The following BDP1 variants were observed in gnomAD, a reference collection of about 807,000 sequenced individuals.
BDP1 encodes the protein transcription factor TFIIIB component B'' homolog.
BDP1 carries 169 observed loss-of-function variants against 266.6 expected under a neutral mutation model. The observed-to-expected ratio is 0.63, with a 90% confidence interval of 0.56 to 0.72. The LOEUF is 0.72. Ranked by LOEUF, BDP1 falls within the 30% of genes least tolerant of loss-of-function variation. BDP1 has a pLI of 0.00. For missense variants in BDP1, 3,015 were observed against 3,053.8 expected (o/e 0.99, Z 0.30); for synonymous variants, 1,090 against 1,022.4 (o/e 1.07, Z -1.26).
chr5:71,460,224 A>G (rs1353597339), intron 2 of BDP1, among the ~76,000 whole-genome samples: 2 of 152,190 alleles, frequency 1.3e-5, no homozygotes, highest in South Asian at 2.1e-4. Context: ...TACTAAAAAT[A>G]CAAACATTAT....
At position 71,491,062 on chromosome 5, in the gene BDP1, T is replaced by C; in HGVS notation, c.1571T>C (p.Ile524Thr). ...KEQMLSCTQN[I>T]DGIVGFASTE... ...CAGATGCTTTCCTGCACACAAAACA[T>C]AGATGGCATTGTGGGTTTTGCCTCC... The change falls in exon 11 of 39, where the codon ATA becomes ACA. Residue 524 changes from isoleucine to threonine, a missense_variant. Physicochemically the swap from Ile to Thr is moderately conservative, Grantham distance 89. Transcript: ENST00000358731. 3.7e-6 allele frequency: 6 copies of C among 1,614,112 alleles called. No homozygotes were observed. The highest frequency in any genetic ancestry group is 5.1e-6 in the Non-Finnish European group (6 of 1,179,978).
Position 71,523,997 on chromosome 5 carries a change from A to G in BDP1, c.5446A>G (p.Thr1816Ala). 1 of 1,614,224 alleles carries G rather than the reference A, an allele frequency of 6.2e-7. No individual in the cohort carries two copies. The highest frequency in any genetic ancestry group is 1.1e-5 in the South Asian group (1 of 91,084). The change falls in exon 25 of 39, where the codon ACT becomes GCT. Residue 1816 changes from threonine (T) to alanine (A), a missense_variant. Transcript: ENST00000358731. ...TAAAATTGCCCTGGATGGGAAAACA[A>G]CTATCTCTTCTACATCTGAGTATGA... ...YSKIALDGKT[T>A]ISSTSEYERN...
chr5:71,556,134 G>A (rs1047520937), intron 35 of BDP1, among the ~76,000 whole-genome samples: 30 of 151,952 alleles, frequency 2.0e-4, no homozygotes, highest in African/African-American at 5.8e-4. Context: ...TTATCATTAA[G>A]TTCTTTTCTA....
rs1561660767 is a variant in BDP1, at chr5:71,458,717, C to T, written c.351C>T (p.Pro117=). ...TCAGTGTTCCTTCAGAATCTCATCC[C>T]TTATCTACAATTAATCAAGAGGCTC... The part of the protein sequence containing the change: ...SSVSVPSESH[P]LSTINQEAPQ... Residue 117 remains proline, a synonymous_variant, in exon 2 of 39, where the codon CCC becomes CCT. Transcript: ENST00000358731. The T allele has an allele frequency of 6.2e-7, 1 of 1,614,128 alleles. No individual in the cohort carries two copies. Among genetic ancestry groups the T allele is most frequent in the Non-Finnish European group, 8.5e-7 (1 of 1,180,016 alleles).
At position 71,512,504 on chromosome 5, in the gene BDP1, TATAAC is replaced by T. The variant is rs1764983906; in HGVS notation, c.4247+80_4247+84del. 1.0e-5 allele frequency: 10 copies of T among 994,492 alleles called. No homozygotes were observed. The East Asian group carries it at 1.3e-4, about 13-fold the overall frequency. 61.6% of individuals were successfully genotyped at this position (994,492 alleles called of 1,614,324 possible). On this transcript the variant is annotated intron_variant, in intron 18 of 38. Transcript: ENST00000358731. Reference sequence around the variant, plus strand: ...CGTTAAACTAAGTGAGGTTTCAAGATATAACATATACAGGATAGTGTTAGAGCTTT... The same window carrying T: ...CGTTAAACTAAGTGAGGTTTCAAGATATATACAGGATAGTGTTAGAGCTTT...
intron 22 of BDP1, among the ~76,000 whole-genome samples, chr5:71,520,028 A>C: frequency 6.6e-6 from 1 of 152,172 alleles, no homozygotes; most frequent in Middle Eastern, 3.2e-3. Flanking sequence ...AGGATATCTC[A>C]GTGCAGTTTT....
chr5:71,500,902 C>G (rs1764192134), intron 13 of BDP1, among the ~76,000 whole-genome samples: 1 of 151,684 alleles, frequency 6.6e-6, no homozygotes, highest in African/African-American at 2.4e-5. Flanking sequence ...GAATTTGAAA[C>G]AAGCCTGGGC....
At chr5:71,519,580 C>T (rs1765394434) in intron 22 of BDP1, among the ~76,000 whole-genome samples, 1 of 152,212 alleles carries the variant, frequency 6.6e-6, no homozygotes, top group Admixed American at 6.5e-5. Flanking sequence ...CTGTGCCTGG[C>T]TTATTTCACC....
intron 26 of BDP1, among the ~76,000 whole-genome samples, chr5:71,536,921 G>GT (rs915367626): frequency 3.3e-5 from 5 of 152,074 alleles, no homozygotes; most frequent in Non-Finnish European, 2.9e-5. Flanking sequence ...AAGGTCAGGA[G>GT]TTTGAGACCA....
rs190600857 is a variant in BDP1 at position 71,563,260 on chromosome 5, G to T, written c.7743+740G>T. On this transcript the variant is annotated intron_variant, in intron 38 of 38. Coordinates refer to ENST00000358731, the MANE Select transcript of BDP1 (RefSeq NM_018429.3). The stretch of plus-strand genomic sequence containing the variant: ...TCCCCTGGGTTCAAGTGATTCTCCT[G>T]TCTCAGCTTCTCGATTAGCTGAGCT... 2.3e-4 allele frequency among the ~76,000 whole-genome samples: 35 copies of T among 152,182 alleles called. No individual in the cohort carries two copies. The East Asian group carries it at 6.6e-3, about 29-fold the overall frequency.
At chr5:71,535,270 T>A (rs1472058755) in intron 26 of BDP1, among the ~76,000 whole-genome samples, 1 of 151,862 alleles carries the variant, frequency 6.6e-6, no homozygotes, top group Non-Finnish European at 1.5e-5. Context: ...GGCGCAATCT[T>A]GGAGGCTCAC....
chr5:71,513,272 A>T lies in BDP1; in HGVS notation c.4335A>T (p.Leu1445Phe). 1.2e-6 allele frequency: 2 copies of T among 1,613,722 alleles called. No individual in the cohort carries two copies. Among genetic ancestry groups the T allele is most frequent in the Non-Finnish European group, 1.7e-6 (2 of 1,179,908 alleles). ...GATTCAAAAGACCAAAACCAAACTT[A>T]GCAAGAGCAGCTTTGAAGAGAGAGA... ...RSRFKRPKPN[L>F]ARAALKRETT... The change falls in exon 19 of 39, where the codon TTA (leucine) becomes TTT (phenylalanine). Residue 1445 changes from leucine (L) to phenylalanine (F), a missense_variant. Leu to Phe is a conservative substitution (Grantham distance 22). This residue lies in a region of BDP1 where 2,383 missense variants were observed against 2,404.9 expected (regional missense o/e 0.99). Coordinates refer to ENST00000358731, the MANE Select transcript of BDP1 (RefSeq NM_018429.3).
At chr5:71,464,377 C>T (rs1761766195) in intron 4 of BDP1, among the ~76,000 whole-genome samples, 1 of 151,848 alleles carries the variant, frequency 6.6e-6, no homozygotes, top group Admixed American at 6.6e-5. Context: ...TACATGTAGT[C>T]CTAGTTATTC....
At chr5:71,475,025 C>T (rs1270260939) in intron 7 of BDP1, among the ~76,000 whole-genome samples, 1 of 152,130 alleles carries the variant, frequency 6.6e-6, no homozygotes, top group Non-Finnish European at 1.5e-5. Flanking sequence ...TTTTTCTTCT[C>T]TAGTTCATCC....
chr5:71,490,526 G>A (rs889794764), intron 10 of BDP1, among the ~76,000 whole-genome samples: 1 of 152,028 alleles, frequency 6.6e-6, no homozygotes, highest in Non-Finnish European at 1.5e-5. Context: ...GAACTCAGGG[G>A]GTTCTCTATG....
Position 71,545,221 on chromosome 5 carries a change from T to C in BDP1, c.6744+2T>C, listed in dbSNP as rs1280165519. 6.2e-7 allele frequency: 1 copy of C among 1,611,456 alleles called. No homozygotes were observed. Among genetic ancestry groups the C allele is most frequent in the Non-Finnish European group, 8.5e-7 (1 of 1,179,208 alleles). On this transcript the variant is annotated splice_donor_variant, in intron 32 of 38. Transcript: ENST00000358731. LOFTEE classifies it high-confidence loss of function. ...GTGCTTACACTTCCTGTGCCAGAGGTAAAAGAATGTACAGTATAATAAGGG... is the reference window on the plus strand; with the variant it reads ...GTGCTTACACTTCCTGTGCCAGAGGCAAAAGAATGTACAGTATAATAAGGG...
Position 71,510,447 on chromosome 5 carries a change from A to C in BDP1, c.3355A>C (p.Lys1119Gln), listed in dbSNP as rs755532943. The part of the protein sequence containing the change: ...KPLGEMQTDL[K>Q]ATGREISPRE... ...TCTAGGTGAAATGCAAACAGATTTG[A>C]AAGCAACCGGAAGGGAGATTTCCCC... is the stretch of plus-strand genomic sequence containing the variant. The change falls in exon 17 of 39, where the codon AAA becomes CAA. Residue 1119 changes from lysine (K) to glutamine (Q), a missense_variant. Physicochemically the swap from Lys to Gln is moderately conservative, Grantham distance 53. Transcript: ENST00000358731. 2 of 1,613,920 alleles carry C rather than the reference A, an allele frequency of 1.2e-6. No homozygotes were observed. Among genetic ancestry groups the C allele is most frequent in the Non-Finnish European group, 1.7e-6 (2 of 1,179,924 alleles).
chr5:71,530,419 T>C (rs537374474), intron 25 of BDP1, among the ~76,000 whole-genome samples: 1 of 151,908 alleles, frequency 6.6e-6, no homozygotes, highest in African/African-American at 2.4e-5. Flanking sequence ...TTTTATTTTA[T>C]TTTCAATAGA....
At chr5:71,468,355 A>G (rs1176763782) in intron 6 of BDP1, among the ~76,000 whole-genome samples, 1 of 150,668 alleles carries the variant, frequency 6.6e-6, no homozygotes, top group Non-Finnish European at 1.5e-5. Flanking sequence ...AGGTCTCAGT[A>G]TGTTGCCCAG....
Sources: gnomAD v4.1 joint callset for allele counts (sites outside exome capture counted in the v4.1 genomes callset) on GRCh38, gnomAD v4.1.1 for gene constraint, gnomAD v4.1.1 regional missense constraint, MANE v1.5 for transcripts, NCBI Gene and HGNC (gene_info 2026-07-23, HGNC 2026-07-21) for gene names.